SCUBE1: variants seen among roughly 807,000 people sequenced by gnomAD.
SCUBE1 encodes signal peptide, CUB domain and EGF like domain containing 1.
In SCUBE1, 59 loss-of-function variants were observed where a neutral mutation model predicts 124.4. The observed-to-expected ratio is 0.47, with a 90% CI of 0.38 to 0.59. The LOEUF (loss-of-function observed/expected upper bound fraction) is 0.59, where lower values mean the gene tolerates loss of function less well. SCUBE1 is among the 20% of genes least tolerant of loss of function. The probability of loss-of-function intolerance (pLI) is 0.00; values close to 1 mark genes in which losing one functional copy is unlikely to be tolerated. For missense variants in SCUBE1, 1,150 were observed against 1,371.2 expected, an observed-to-expected ratio of 0.84 and a Z score of 2.55; for synonymous variants, 545 against 550.9, an observed-to-expected ratio of 0.99 and a Z score of 0.15.
chr22:43,260,316 A>G (rs2413752), intron 5 of SCUBE1, among the ~76,000 whole-genome samples: 66,032 of 152,144 alleles, frequency 0.43, 16,548 homozygotes, highest in East Asian at 0.86. Flanking sequence ...GAGCCTTCGA[A>G]TACCGGAGAG....
At chr22:43,337,035 G>T (rs1235581413) in intron 2 of SCUBE1, among the ~76,000 whole-genome samples, 1 of 152,142 alleles carries the variant, frequency 6.6e-6, no homozygotes, top group Non-Finnish European at 1.5e-5. Flanking sequence ...GGATGTGAAG[G>T]GTGGAGGCCC....
At position 43,203,033 on chromosome 22, in the gene SCUBE1, G is replaced by A. The variant is rs958232186; in HGVS notation, c.*964C>T. 2 of 152,322 alleles carry A rather than the reference G, an allele frequency of 1.3e-5. No homozygotes were observed. Among genetic ancestry groups the A allele is most frequent in the East Asian group, 3.9e-4 (2 of 5,194 alleles). The allele number at this position is 152,322 out of a possible 1,614,324, so 9.4% of individuals were successfully genotyped here. ...CCTGGGAACGGGTCCGAGGGGAAGT[G>A]TCTTCCACTGAGTCTCGTCCAAGGG... On this transcript the variant is annotated 3_prime_UTR_variant, in exon 22 of 22. Coordinates refer to ENST00000360835, the MANE Select transcript of SCUBE1 (RefSeq NM_173050.5).
At chr22:43,273,514 T>C (rs558502008) in intron 4 of SCUBE1, among the ~76,000 whole-genome samples, 6 of 151,716 alleles carry the variant, frequency 4.0e-5, no homozygotes, top group African/African-American at 1.5e-4. Flanking sequence ...CATGTGGTTT[T>C]AGAACTTGTT....
chr22:43,244,928 C>T (rs1479735833), intron 6 of SCUBE1, among the ~76,000 whole-genome samples: 1 of 152,272 alleles, frequency 6.6e-6, no homozygotes, highest in Non-Finnish European at 1.5e-5. Flanking sequence ...GCCCACCTGC[C>T]CTTCTGTCCC....
intron 3 of SCUBE1, among the ~76,000 whole-genome samples, chr22:43,304,602 C>G (rs1285339085): frequency 1.3e-5 from 2 of 151,740 alleles, no homozygotes; most frequent in African/African-American, 2.4e-5. Flanking sequence ...GTGTGTGTGT[C>G]TGTGTGTGTG....
At chr22:43,216,867 A>AC (rs1247094388) in intron 15 of SCUBE1, among the ~76,000 whole-genome samples, 1 of 27,414 alleles carries the variant, frequency 3.6e-5, no homozygotes, top group Non-Finnish European at 7.1e-5. Flanking sequence ...CCCCCCACCC[A>AC]CCCCCCGCCA....
intron 6 of SCUBE1, among the ~76,000 whole-genome samples, chr22:43,252,621 C>G (rs945535018): frequency 2.0e-5 from 3 of 152,230 alleles, no homozygotes; most frequent in African/African-American, 7.2e-5. Flanking sequence ...GGGGCTCAGG[C>G]TGCCCACAGG....
At chr22:43,263,930 A>G (rs1923968206) in intron 4 of SCUBE1, among the ~76,000 whole-genome samples, 1 of 152,208 alleles carries the variant, frequency 6.6e-6, no homozygotes, top group South Asian at 2.1e-4. Context: ...GTTCACACGG[A>G]AAGACCCTTT....
chr22:43,257,418 T>C (rs373903659), intron 6 of SCUBE1, among the ~76,000 whole-genome samples: 1 of 152,184 alleles, frequency 6.6e-6, no homozygotes. Flanking sequence ...AGTTAAAAAA[T>C]GTGCTGCTAT....
chr22:43,301,874 C>A (rs1925785053), intron 3 of SCUBE1, among the ~76,000 whole-genome samples: 1 of 152,340 alleles, frequency 6.6e-6, no homozygotes, highest in East Asian at 1.9e-4. Flanking sequence ...GCCTGGACAT[C>A]CACAGGCCCT....
chr22:43,328,249 A>T (rs1926790802), intron 2 of SCUBE1, among the ~76,000 whole-genome samples: 1 of 150,602 alleles, frequency 6.6e-6, no homozygotes, highest in Non-Finnish European at 1.5e-5. Context: ...CAGCCTGGTC[A>T]AGTGAAAATG....
At chr22:43,319,894 G>T in intron 3 of SCUBE1, 43 bp downstream of exon 3, 2 of 1,605,904 alleles carry the variant, frequency 1.2e-6, no homozygotes, top group South Asian at 1.1e-5. Flanking sequence ...CAAAGCAACA[G>T]GCAGGGTGTG....
At position 43,210,814 on chromosome 22, in the gene SCUBE1, T is replaced by A; in HGVS notation, c.2383+108A>T. 2.3e-6 allele frequency: 3 copies of A among 1,311,030 alleles called. No individual in the cohort carries two copies. Among genetic ancestry groups the A allele is most frequent in the Non-Finnish European group, 1.1e-6 (1 of 928,612 alleles). The allele number at this position is 1,311,030 out of a possible 1,614,324, so 81.2% of individuals were successfully genotyped here. On this transcript the variant is annotated intron_variant, in intron 18 of 21. Coordinates refer to ENST00000360835, the MANE Select transcript of SCUBE1 (RefSeq NM_173050.5). This position sits in a 1 kb window ranked among gnomAD's most constrained non-coding sequence, Gnocchi z 4.5. ...AGCAGACGGGACGGAGCGGGAGGAG[T>A]CCAGTGTCCTCGTGGAGCTCGTGTG...
chr22:43,307,390 G>A (rs1013157912), intron 3 of SCUBE1, among the ~76,000 whole-genome samples: 2 of 152,260 alleles, frequency 1.3e-5, no homozygotes, highest in Non-Finnish European at 2.9e-5. Context: ...GGAGGAAAGG[G>A]CGGGATGGTT....
intron 16 of SCUBE1, 44 bp downstream of exon 16, chr22:43,214,046 C>CGGGGGGGGGGGGGGGGGGGGGGGGGG: frequency 2.1e-5 from 9 of 422,702 alleles, no homozygotes; most frequent in Non-Finnish European, 3.7e-5. Context: ...GAGGAGCCCC[C>CGGGGGGGGGGGGGGGGGGGGGGGGGG]GCCCACCCCC....
intron 4 of SCUBE1, among the ~76,000 whole-genome samples, chr22:43,263,429 G>A (rs957078385): frequency 1.3e-5 from 2 of 152,214 alleles, no homozygotes; most frequent in African/African-American, 4.8e-5. Context: ...AAAGGGAAGC[G>A]CCTCTGTCTG....
chr22:43,318,948 C>T (rs1016792441), intron 3 of SCUBE1, among the ~76,000 whole-genome samples: 8 of 152,090 alleles, frequency 5.3e-5, no homozygotes, highest in Admixed American at 1.3e-4. Flanking sequence ...TCTTGAACTT[C>T]GGACCTCAGG....
In SCUBE1 at chr22:43,211,106, G is replaced by A. The variant is rs1269689904; in HGVS notation, c.2222-23C>T. 1.3e-6 allele frequency: 2 copies of A among 1,592,572 alleles called. No individual in the cohort carries two copies. Among genetic ancestry groups the A allele is most frequent in the South Asian group, 1.1e-5 (1 of 88,926 alleles). On this transcript the variant is annotated intron_variant, in intron 17 of 21. Coordinates refer to ENST00000360835, the MANE Select transcript of SCUBE1 (RefSeq NM_173050.5). This position sits in a 1 kb window ranked among gnomAD's most constrained non-coding sequence, Gnocchi z 4.5. ...GCACTGCCGGGGGACACAAGGCAGT[G>A]TGGTGGGTGTGGAGGGGTGCAGGGA...
At chr22:43,302,199 T>C (rs1055766591) in intron 3 of SCUBE1, among the ~76,000 whole-genome samples, 5 of 152,196 alleles carry the variant, frequency 3.3e-5, no homozygotes, top group Admixed American at 2.0e-4. Flanking sequence ...TCACAGTCAT[T>C]GCCAGCCTGT....
Sources: gnomAD v4.1 joint callset for allele counts (sites outside exome capture counted in the v4.1 genomes callset) on GRCh38, gnomAD v4.1.1 for gene constraint, Gnocchi (gnomAD v3.1) non-coding constraint, MANE v1.5 for transcripts, NCBI Gene and HGNC (gene_info 2026-07-23, HGNC 2026-07-21) for gene names.